ABLIM3: variants seen among roughly 807,000 people sequenced by gnomAD.
ABLIM3 encodes actin binding LIM protein family member 3.
A neutral mutation model predicts 109.5 loss-of-function variants in ABLIM3; 61 were observed. The ratio of observed to expected loss-of-function variants is 0.56; its 90% CI spans 0.45 to 0.69. ABLIM3 has a LOEUF of 0.69. ABLIM3 is among the 30% of genes least tolerant of loss of function. The pLI is 0.00. For missense variants in ABLIM3, 796 were observed against 889.5 expected (o/e 0.89, Z 1.34); for synonymous variants, 300 against 324.8 (o/e 0.92, Z 0.82).
At chr5:149,164,795 G>A (rs1754680225) in intron 2 of ABLIM3, among the ~76,000 whole-genome samples, 1 of 152,106 alleles carries the variant, frequency 6.6e-6, no homozygotes, top group Non-Finnish European at 1.5e-5. Flanking sequence ...CTTGAGGAGT[G>A]GGTAGGATTT....
At position 149,198,385 on chromosome 5, in the gene ABLIM3, C is replaced by T. The variant is rs765263007; in HGVS notation, c.318C>T (p.Phe106=). 11 of 1,611,504 alleles carry T rather than the reference C, an allele frequency of 6.8e-6. No homozygotes were observed. In the Admixed American group the frequency reaches 1.8e-4, roughly 27 times the overall value. Reference sequence around the variant, plus strand: ...GCCGCACTTACCACCCCAAGTGCTTCGTGTGCAGCTTGTGCAGGTGAGTGG... The same window carrying T: ...GCCGCACTTACCACCCCAAGTGCTTTGTGTGCAGCTTGTGCAGGTGAGTGG... ...ALGRTYHPKC[F]VCSLCRKPFP... is the part of the protein sequence containing the mutation. The change falls in exon 4 of 24, where the codon TTC becomes TTT. Residue 106 remains phenylalanine, a synonymous_variant. Transcript: ENST00000309868. This position sits in a 1 kb window ranked among gnomAD's most constrained non-coding sequence, Gnocchi z 4.2.
chr5:149,156,675 G>T (rs1753885657), intron 2 of ABLIM3, among the ~76,000 whole-genome samples: 1 of 152,212 alleles, frequency 6.6e-6, no homozygotes, highest in Non-Finnish European at 1.5e-5. Context: ...TTCAGTTCTT[G>T]GCATGAGTCA....
At chr5:149,224,257 C>G (rs1760951248) in intron 8 of ABLIM3, among the ~76,000 whole-genome samples, 1 of 152,058 alleles carries the variant, frequency 6.6e-6, no homozygotes, top group Non-Finnish European at 1.5e-5. Context: ...AATTACTGTC[C>G]CAACTGTTAT....
At chr5:149,188,985 C>T (rs1443826876) in intron 3 of ABLIM3, among the ~76,000 whole-genome samples, 2 of 152,054 alleles carry the variant, frequency 1.3e-5, no homozygotes, top group African/African-American at 4.8e-5. Context: ...CTATAATAAA[C>T]AAGATAGGGT....
chr5:149,178,999 G>C (rs1756223491), intron 2 of ABLIM3, among the ~76,000 whole-genome samples: 1 of 152,202 alleles, frequency 6.6e-6, no homozygotes, highest in African/African-American at 2.4e-5. Flanking sequence ...AAGAACAACA[G>C]ATGAGAGAGG....
chr5:149,177,676 C>T (rs1756068606), intron 2 of ABLIM3, among the ~76,000 whole-genome samples: 1 of 152,176 alleles, frequency 6.6e-6, no homozygotes, highest in Non-Finnish European at 1.5e-5. Context: ...AAAGGAAAAA[C>T]TAGCAAACCT....
chr5:149,210,270 C>G (rs953858707), intron 6 of ABLIM3, among the ~76,000 whole-genome samples: 2 of 152,190 alleles, frequency 1.3e-5, no homozygotes, highest in Admixed American at 6.5e-5. Flanking sequence ...TGAATTCCAG[C>G]TCTAGGTCAT....
intron 8 of ABLIM3, among the ~76,000 whole-genome samples, chr5:149,229,006 T>G (rs1232466981): frequency 6.6e-6 from 1 of 152,196 alleles, no homozygotes; most frequent in Non-Finnish European, 1.5e-5. Flanking sequence ...CATGACCTCC[T>G]CAGACCTCTG....
chr5:149,186,860 A>G (rs1757010490), intron 3 of ABLIM3, among the ~76,000 whole-genome samples: 1 of 152,138 alleles, frequency 6.6e-6, no homozygotes, highest in South Asian at 2.1e-4. Flanking sequence ...AAAAAAAACA[A>G]CAGTGCATTA....
intron 3 of ABLIM3, among the ~76,000 whole-genome samples, chr5:149,190,446 G>A (rs1422951466): frequency 3.3e-5 from 5 of 152,188 alleles, no homozygotes; most frequent in African/African-American, 4.8e-5. Flanking sequence ...TTGGGAGGCC[G>A]AGGCGGGTGG....
chr5:149,149,136 G>A (rs1753191345), intron 2 of ABLIM3, among the ~76,000 whole-genome samples: 1 of 152,170 alleles, frequency 6.6e-6, no homozygotes, highest in Non-Finnish European at 1.5e-5. Flanking sequence ...ACCATGCTGG[G>A]ACAGCAAGAA....
At chr5:149,216,699 T>G (rs1760124084) in intron 7 of ABLIM3, 1 of 438,402 alleles carries the variant, frequency 2.3e-6, no homozygotes, top group African/African-American at 2.0e-5. Context: ...GCCTCTCAAG[T>G]GTCCTTCCCA....
intron 8 of ABLIM3, among the ~76,000 whole-genome samples, chr5:149,221,130 G>A (rs11749868): frequency 0.048 from 7,365 of 152,270 alleles, 252 homozygotes; most frequent in Middle Eastern, 0.068. Flanking sequence ...AGTAGGAGGT[G>A]GGAGGCTGAA....
In ABLIM3 at chr5:149,244,966, C is replaced by T; in HGVS notation, c.1437C>T (p.Pro479=). 1.2e-6 allele frequency: 2 copies of T among 1,614,204 alleles called. No homozygotes were observed. Among genetic ancestry groups the T allele is most frequent in the Middle Eastern group, 1.6e-4 (1 of 6,062 alleles). The change falls in exon 16 of 24, where the codon CCC becomes CCT. Residue 479 remains proline, a synonymous_variant. Coordinates refer to ENST00000309868, the MANE Select transcript of ABLIM3 (RefSeq NM_014945.5). The part of the protein sequence containing the change: ...SKYSPIYSPD[P]YYASESEYWT... Reference sequence around the variant, plus strand: ...ACAGTCCCATCTACTCGCCAGACCCCTACTATGCTTCGGAGTCTGAGTACT... The same window carrying T: ...ACAGTCCCATCTACTCGCCAGACCCTTACTATGCTTCGGAGTCTGAGTACT...
chr5:149,185,053 G>A (rs561451271), intron 3 of ABLIM3, among the ~76,000 whole-genome samples: 62 of 152,242 alleles, frequency 4.1e-4, no homozygotes, highest in African/African-American at 1.4e-3. Context: ...GTAAAGACAA[G>A]GAAATTGTTA....
At chr5:149,194,636 T>G (rs915921546) in intron 3 of ABLIM3, among the ~76,000 whole-genome samples, 2 of 152,186 alleles carry the variant, frequency 1.3e-5, no homozygotes, top group Admixed American at 6.5e-5. Context: ...TCGACGTGGA[T>G]GAATCTCAAC....
intron 7 of ABLIM3, among the ~76,000 whole-genome samples, chr5:149,216,268 G>T (rs1043655962): frequency 1.3e-5 from 2 of 152,150 alleles, no homozygotes; most frequent in African/African-American, 4.8e-5. Context: ...CTTGAGGTTG[G>T]CTCCCTTATA....
At chr5:149,164,961 T>C (rs1754692529) in intron 2 of ABLIM3, among the ~76,000 whole-genome samples, 1 of 152,244 alleles carries the variant, frequency 6.6e-6, no homozygotes, top group Non-Finnish European at 1.5e-5. Flanking sequence ...GAATCGAGGC[T>C]TCCATCAACA....
rs946721126 is a variant in ABLIM3, at chr5:149,258,442, A to T, written c.*38A>T. On this transcript the variant is annotated 3_prime_UTR_variant, in exon 24 of 24. Coordinates refer to ENST00000309868, the MANE Select transcript of ABLIM3 (RefSeq NM_014945.5). ...TAAATATATATGCATTTATATAAAG[A>T]TATATGTAAAATCTCTCTACTGAAG... 6.3e-7 allele frequency: 1 copy of T among 1,580,898 alleles called. No individual in the cohort carries two copies. The highest frequency in any genetic ancestry group is 8.6e-7 in the Non-Finnish European group (1 of 1,167,572).
Sources: allele counts gnomAD v4.1 joint callset (sites outside exome capture counted in the v4.1 genomes callset), GRCh38; gene constraint gnomAD v4.1.1; non-coding constraint Gnocchi (gnomAD v3.1); transcripts MANE v1.5; gene names NCBI Gene and HGNC (gene_info 2026-07-23, HGNC 2026-07-21).